SV2C: variants seen among roughly 807,000 people sequenced by gnomAD.
SV2C encodes the protein solute carrier family 22 member B3.
In SV2C, 49 loss-of-function variants were observed where a neutral mutation model predicts 79.7. That is an observed-to-expected ratio of 0.61 (90% CI 0.49 to 0.78). SV2C has a LOEUF of 0.78. SV2C is among the 30% of genes least tolerant of loss of function. SV2C has a pLI of 0.00. For missense variants in SV2C, 833 were observed against 912.9 expected (o/e 0.91, Z 1.13); for synonymous variants, 334 against 333.2 (o/e 1.00, Z -0.03).
the SV2C span, among the ~76,000 whole-genome samples, chr5:75,881,259 CTG>C: frequency 6.6e-6 from 1 of 152,104 alleles, no homozygotes; most frequent in African/African-American, 2.4e-5. Context: ...CTCAATTAAT[CTG>C]AGGAAATTAA....
the SV2C span, among the ~76,000 whole-genome samples, chr5:75,934,355 C>T: frequency 7.3e-6 from 1 of 136,434 alleles, no homozygotes; most frequent in Non-Finnish European, 1.5e-5. Flanking sequence ...GGCGCGATCT[C>T]GGCTCCCTGC....
the SV2C span, among the ~76,000 whole-genome samples, chr5:75,853,077 C>T: frequency 3.3e-5 from 5 of 152,138 alleles, no homozygotes; most frequent in East Asian, 7.7e-4. Context: ...AATATACATA[C>T]TGTCGCAAGT....
intron 2 of SV2C, among the ~76,000 whole-genome samples, chr5:76,167,675 G>T (rs4364364): frequency 0.45 from 68,353 of 152,004 alleles, 15,700 homozygotes; most frequent in South Asian, 0.51. Flanking sequence ...GGTCAGAGAG[G>T]TTAGTTCATT....
At chr5:76,294,458 T>C (rs35662301) in intron 8 of SV2C, among the ~76,000 whole-genome samples, 24,535 of 151,870 alleles carry the variant, frequency 0.16, 2,383 homozygotes, top group African/African-American at 0.27. Context: ...TGCACCACCA[T>C]GCCCGGCTAA....
intron 12 of SV2C, among the ~76,000 whole-genome samples, chr5:76,324,182 A>C (rs1748913900): frequency 6.6e-6 from 1 of 152,044 alleles, no homozygotes; most frequent in Non-Finnish European, 1.5e-5. Flanking sequence ...CTGGTCTCAA[A>C]CTCCTAGGTT....
the SV2C span, among the ~76,000 whole-genome samples, chr5:76,000,551 A>G: frequency 6.6e-6 from 1 of 152,194 alleles, no homozygotes; most frequent in Non-Finnish European, 1.5e-5. Context: ...CAAATTCGAG[A>G]AGCCCTGCTC....
intron 4 of SV2C, among the ~76,000 whole-genome samples, chr5:76,266,831 T>C (rs1225442565): frequency 6.6e-6 from 1 of 152,012 alleles, no homozygotes; most frequent in East Asian, 1.9e-4. Flanking sequence ...ATGTTATGTA[T>C]ATTTTATCAC....
intron 2 of SV2C, among the ~76,000 whole-genome samples, chr5:76,160,207 A>G (rs1742859372): frequency 1.3e-5 from 2 of 152,128 alleles, no homozygotes. Flanking sequence ...AGGTTATTAT[A>G]GAATTTCAAA....
the SV2C span, among the ~76,000 whole-genome samples, chr5:75,927,819 G>T: frequency 6.6e-6 from 1 of 152,132 alleles, no homozygotes. Flanking sequence ...GCAATTTTTG[G>T]TACATCAGTT....
the SV2C span, among the ~76,000 whole-genome samples, chr5:75,938,092 C>A: frequency 6.6e-6 from 1 of 152,176 alleles, no homozygotes; most frequent in South Asian, 2.1e-4. Flanking sequence ...TGATTGGTCT[C>A]TGACCATGAT....
chr5:76,336,326 A>G (rs1749324635), downstream of SV2C, among the ~76,000 whole-genome samples: 1 of 150,576 alleles, frequency 6.6e-6, no homozygotes, highest in Non-Finnish European at 1.5e-5. Flanking sequence ...CTCACCTCCC[A>G]GAGGGGATGG....
intron 12 of SV2C, among the ~76,000 whole-genome samples, chr5:76,321,207 A>C (rs1279047399): frequency 2.0e-5 from 3 of 152,196 alleles, no homozygotes; most frequent in Non-Finnish European, 4.4e-5. Context: ...GTCAAAGAAA[A>C]ACCCACACTT....
the SV2C span, among the ~76,000 whole-genome samples, chr5:75,891,906 G>A: frequency 2.0e-5 from 3 of 152,134 alleles, no homozygotes; most frequent in South Asian, 4.1e-4. Context: ...TCGGATGCTA[G>A]AGGGGCCTGC....
the SV2C span, among the ~76,000 whole-genome samples, chr5:75,873,973 C>A: frequency 6.6e-6 from 1 of 152,174 alleles, no homozygotes; most frequent in South Asian, 2.1e-4. Flanking sequence ...TTCTACCAGA[C>A]ATACAAAGAA....
chr5:76,151,232 C>G (rs1199549963), intron 2 of SV2C, among the ~76,000 whole-genome samples: 1 of 152,126 alleles, frequency 6.6e-6, no homozygotes, highest in Non-Finnish European at 1.5e-5. Flanking sequence ...AGCAAAGGCA[C>G]AAAGGCATGG....
chr5:76,315,863 C>A (rs1279411410), intron 12 of SV2C, among the ~76,000 whole-genome samples: 1 of 152,196 alleles, frequency 6.6e-6, no homozygotes, highest in Non-Finnish European at 1.5e-5. Flanking sequence ...GCAAAGCATA[C>A]TTTGCTGGCC....
chr5:76,120,105 GACA>G (rs1748428429), intron 1 of SV2C, among the ~76,000 whole-genome samples: 1 of 152,082 alleles, frequency 6.6e-6, no homozygotes, highest in African/African-American at 2.4e-5. Context: ...TGTATCAAAA[GACA>G]ACATTGTACT....
the SV2C span, among the ~76,000 whole-genome samples, chr5:75,898,301 C>G: frequency 6.6e-6 from 1 of 152,072 alleles, no homozygotes; most frequent in Non-Finnish European, 1.5e-5. Flanking sequence ...TTGTCCAAGG[C>G]CTTTTCTGCA....
the SV2C span, among the ~76,000 whole-genome samples, chr5:76,076,274 G>A: frequency 1.3e-5 from 2 of 152,216 alleles, no homozygotes; most frequent in African/African-American, 2.4e-5. Context: ...TGTTGGTAGG[G>A]CAACCAGCAG....
Sources: allele counts gnomAD v4.1 joint callset (sites outside exome capture counted in the v4.1 genomes callset), GRCh38; gene constraint gnomAD v4.1.1; transcripts MANE v1.5; gene names NCBI Gene and HGNC (gene_info 2026-07-23, HGNC 2026-07-21).